The following TMEM30A variants were observed in gnomAD, a reference collection of about 807,000 sequenced individuals.
TMEM30A encodes the protein cell cycle control protein 50A.
TMEM30A carries 24 observed loss-of-function variants against 38.2 expected under a neutral mutation model. The ratio of observed to expected loss-of-function variants is 0.63; its 90% CI spans 0.46 to 0.88. The LOEUF (loss-of-function observed/expected upper bound fraction) is 0.88, where lower values mean the gene tolerates loss of function less well. TMEM30A is among the 40% of genes least tolerant of loss of function. TMEM30A has a pLI of 0.00. For synonymous variants in TMEM30A, 145 were observed against 161.6 expected (o/e 0.90, Z 0.78); for missense variants, 370 against 458.6 (o/e 0.81, Z 1.77).
In TMEM30A at chr6:75,284,615, C is replaced by A. The variant is rs1239410505; in HGVS notation, c.24G>T (p.Lys8Asn). Reference sequence around the variant, plus strand: ...ACGGGGGCCCACCGTCCACTTCATCCTTCGCGTTATAGTTCATCGCCATCG... The same window carrying A: ...ACGGGGGCCCACCGTCCACTTCATCATTCGCGTTATAGTTCATCGCCATCG... MAMNYNA[K>N]DEVDGGPPCA... The change falls in exon 1 of 7, where the codon AAG becomes AAT. Residue 8 changes from lysine to asparagine, a missense_variant. Coordinates refer to ENST00000230461, the MANE Select transcript of TMEM30A (RefSeq NM_018247.4). 6.2e-7 allele frequency: 1 copy of A among 1,613,776 alleles called. No homozygotes were observed. Among genetic ancestry groups the A allele is most frequent in the South Asian group, 1.1e-5 (1 of 91,086 alleles).
At chr6:75,262,579 T>C (rs943748242) in intron 3 of TMEM30A, among the ~76,000 whole-genome samples, 16 of 151,676 alleles carry the variant, frequency 1.1e-4, no homozygotes, top group Non-Finnish European at 1.5e-5. Flanking sequence ...GAGGCAGAAG[T>C]TGCAGTGAGC....
chr6:75,265,228 T>A lies in TMEM30A; in HGVS notation c.453+3A>T. ...ATATTTTCATATTTATCATTTTACT[T>A]ACAAGCAAAGCACTAGAATCTCCAT... On this transcript the variant is annotated splice_donor_region_variant and intron_variant, in intron 3 of 6. Coordinates refer to ENST00000230461, the MANE Select transcript of TMEM30A (RefSeq NM_018247.4). The A allele has an allele frequency of 6.4e-7, 1 of 1,551,032 alleles. No homozygotes were observed. The highest frequency in any genetic ancestry group is 8.8e-7 in the Non-Finnish European group (1 of 1,133,476).
chr6:75,256,701 G>A (rs1046549628), intron 6 of TMEM30A: 3 of 441,384 alleles, frequency 6.8e-6, no homozygotes, highest in South Asian at 1.7e-5. Context: ...AAGTCTCCAT[G>A]AGCTCAAAGA....
chr6:75,267,103 G>A (rs543061621), intron 2 of TMEM30A, among the ~76,000 whole-genome samples: 15 of 152,222 alleles, frequency 9.9e-5, no homozygotes, highest in East Asian at 5.8e-4. Context: ...CTTTATGTCC[G>A]TTAGCATGTA....
chr6:75,254,870 A>G lies in TMEM30A; in HGVS notation c.*1232T>C, dbSNP rs1771842307. ...GCAAACAAGTTACAGCATTTATTCA[A>G]TAAGGAATATTAAAATAATTCATTA... On this transcript the variant is annotated 3_prime_UTR_variant, in exon 7 of 7. Transcript: ENST00000230461. 1 of 152,566 alleles carries G rather than the reference A, an allele frequency of 6.6e-6. No individual in the cohort carries two copies. Among genetic ancestry groups the G allele is most frequent in the Non-Finnish European group, 1.5e-5 (1 of 67,988 alleles). The allele number at this position is 152,566 out of a possible 1,614,324, so 9.5% of individuals were successfully genotyped here. A position where few individuals can be genotyped will look rare whatever the true frequency, so the allele number is the denominator to read the frequency against.
At chr6:75,281,001 T>A (rs1454528466) in intron 1 of TMEM30A, among the ~76,000 whole-genome samples, 1 of 152,038 alleles carries the variant, frequency 6.6e-6, no homozygotes, top group African/African-American at 2.4e-5. Context: ...GATTAAATAA[T>A]CGAGGGCAGT....
intron 1 of TMEM30A, 102 bp downstream of exon 1, chr6:75,284,300 A>T: frequency 8.8e-7 from 1 of 1,141,208 alleles, no homozygotes; most frequent in Non-Finnish European, 1.3e-6. Flanking sequence ...GCGCGAGGTC[A>T]GCCAGTCAAC....
At position 75,267,648 on chromosome 6, in the gene TMEM30A, G is replaced by A. The variant is rs1478383269; in HGVS notation, c.338C>T (p.Ser113Leu). 7.5e-6 allele frequency: 12 copies of A among 1,606,820 alleles called. No individual in the cohort carries two copies. Among genetic ancestry groups the A allele is most frequent in the Non-Finnish European group, 8.5e-6 (10 of 1,175,824 alleles). Residue 113 changes from serine (S) to leucine (L), a missense_variant, in exon 2 of 7, where the codon TCA becomes TTA. Physicochemically the swap from Ser to Leu is moderately radical, Grantham distance 145. Coordinates refer to ENST00000230461, the MANE Select transcript of TMEM30A (RefSeq NM_018247.4). ...FCTINFTLEK[S>L]FEGNVFMYYG... ...TTACTTGGAAACACAGACCTCAAATGACTTTTCCAGTGTGAAGTTAATGGT... is the reference window on the plus strand; with the variant it reads ...TTACTTGGAAACACAGACCTCAAATAACTTTTCCAGTGTGAAGTTAATGGT...
rs1405904808 is a variant in TMEM30A at position 75,256,148 on chromosome 6, T to C, written c.1040A>G (p.Asn347Ser). The change falls in exon 7 of 7, where the codon AAT (asparagine) becomes AGT (serine). Residue 347 changes from asparagine to serine, a missense_variant. Physicochemically the swap from Asn to Ser is conservative, Grantham distance 46. Transcript: ENST00000230461. ...FLLGVVLLVI[N>S]HKYRNSSNTA... is the part of the protein sequence containing the mutation. ...ATTACTACTGTTTCTATATTTATGA[T>C]TAATTACTAGCAGTACAACTCCCAG... 4 of 1,612,544 alleles carry C rather than the reference T, an allele frequency of 2.5e-6. No individual in the cohort carries two copies. The highest frequency in any genetic ancestry group is 3.4e-6 in the Non-Finnish European group (4 of 1,178,884).
At chr6:75,268,918 G>C (rs1465180322) in intron 1 of TMEM30A, among the ~76,000 whole-genome samples, 1 of 152,190 alleles carries the variant, frequency 6.6e-6, no homozygotes, top group Non-Finnish European at 1.5e-5. Flanking sequence ...GAATTGAATT[G>C]CAGTATACTG....
intron 1 of TMEM30A, among the ~76,000 whole-genome samples, chr6:75,269,610 G>A (rs181999526): frequency 7.9e-5 from 12 of 152,336 alleles, no homozygotes; most frequent in African/African-American, 2.9e-4. Flanking sequence ...ACATCCATGT[G>A]CAGGTTTTTG....
rs370998387 is a variant in TMEM30A, at chr6:75,265,282, G to A, written c.402C>T (p.Tyr134=). The A allele has an allele frequency of 1.3e-5, 21 of 1,611,362 alleles. No homozygotes were observed. The highest frequency in any genetic ancestry group is 1.6e-4 in the Middle Eastern group (1 of 6,064). ...GTTGACTATCATCTCGAGATTTCAC[G>A]TAACGACGATGGTTTTGATAGAAAT... The part of the protein sequence containing the change: ...LSNFYQNHRR[Y]VKSRDDSQLN... The change falls in exon 3 of 7, where the codon TAC becomes TAT. Residue 134 remains tyrosine (Y), a synonymous_variant. Transcript: ENST00000230461.
At position 75,284,674 on chromosome 6, in the gene TMEM30A, G is replaced by T; in HGVS notation, c.-36C>A. The T allele has an allele frequency of 6.2e-7, 1 of 1,603,418 alleles. No homozygotes were observed. On this transcript the variant is annotated 5_prime_UTR_variant, in exon 1 of 7. Transcript: ENST00000230461. ...GGCGCCGCTCCGCGATTTGCAGGTG[G>T]ACCACCCAGGGGGCCCGCCGGCTGA...
At chr6:75,262,500 G>T (rs559320296) in intron 3 of TMEM30A, among the ~76,000 whole-genome samples, 1 of 151,832 alleles carries the variant, frequency 6.6e-6, no homozygotes, top group Non-Finnish European at 1.5e-5. Context: ...AAAATTAGCC[G>T]GGCATGGTGG....
intron 4 of TMEM30A, among the ~76,000 whole-genome samples, chr6:75,259,990 A>G (rs947577775): frequency 1.9e-4 from 29 of 152,228 alleles, no homozygotes; most frequent in African/African-American, 7.0e-4. Flanking sequence ...AAGTATCTCA[A>G]CTTTTATATA....
chr6:75,266,297 A>G (rs1459740684), intron 2 of TMEM30A, among the ~76,000 whole-genome samples: 1 of 152,222 alleles, frequency 6.6e-6, no homozygotes, highest in Non-Finnish European at 1.5e-5. Flanking sequence ...TTCAAATGTC[A>G]AACCATGCAA....
intron 1 of TMEM30A, among the ~76,000 whole-genome samples, chr6:75,274,488 GCCA>G (rs1772226849): frequency 6.6e-6 from 1 of 152,212 alleles, no homozygotes; most frequent in African/African-American, 2.4e-5. Context: ...CAGACAGAAT[GCCA>G]CCACAATAAT....
Position 75,259,404 on chromosome 6 carries a change from T to C in TMEM30A, c.628A>G (p.Lys210Glu). Residue 210 changes from lysine (K) to glutamate (E), a missense_variant, in exon 5 of 7, where the codon AAA becomes GAA. Lys to Glu is a moderately conservative substitution (Grantham distance 56). Coordinates refer to ENST00000230461, the MANE Select transcript of TMEM30A (RefSeq NM_018247.4). ...GGGGGATTTCTGAATTTCACATTTT[T>C]ATCTGTCCACCAAGCAATACCTTTC... ...KKKGIAWWTDKNVKFRNPPGG... is the reference protein window; with the variant it reads ...KKKGIAWWTDENVKFRNPPGG... 1 of 1,613,714 alleles carries C rather than the reference T, an allele frequency of 6.2e-7. No homozygotes were observed. Among genetic ancestry groups the C allele is most frequent in the Non-Finnish European group, 8.5e-7 (1 of 1,179,782 alleles).
At chr6:75,258,748 A>G (rs1429608069) in intron 6 of TMEM30A, 32 bp downstream of exon 6, 2 of 1,599,466 alleles carry the variant, frequency 1.3e-6, no homozygotes, top group Non-Finnish European at 1.7e-6. Flanking sequence ...TTCAAGCTCT[A>G]TGAATCTGTA....
Sources: gnomAD v4.1 joint callset for allele counts (sites outside exome capture counted in the v4.1 genomes callset) on GRCh38, gnomAD v4.1.1 for gene constraint, MANE v1.5 for transcripts, NCBI Gene and HGNC (gene_info 2026-07-23, HGNC 2026-07-21) for gene names.